ABCC1: variants seen among roughly 807,000 people sequenced by gnomAD.
ABCC1 encodes multidrug resistance-associated protein 1.
Under a neutral mutation model 172.9 loss-of-function variants are expected in ABCC1, and 83 were observed. The observed-to-expected ratio is 0.48, with a 90% CI of 0.40 to 0.58. ABCC1 has a LOEUF of 0.58. ABCC1 is among the 20% of genes least tolerant of loss of function. The pLI is 0.00. For missense variants in ABCC1, 1,817 were observed against 2,002.7 expected (o/e 0.91, Z 1.77); for synonymous variants, 937 against 825.2 (o/e 1.14, Z -2.32).
At chr16:15,974,944 G>T (rs1250288863) in intron 1 of ABCC1, among the ~76,000 whole-genome samples, 1 of 152,014 alleles carries the variant, frequency 6.6e-6, no homozygotes, top group Non-Finnish European at 1.5e-5. Context: ...TTGCCACCAT[G>T]CCCAGCTAAT....
At chr16:16,039,448 T>C (rs2048892074) in intron 7 of ABCC1, among the ~76,000 whole-genome samples, 1 of 151,722 alleles carries the variant, frequency 6.6e-6, no homozygotes, top group Non-Finnish European at 1.5e-5. Context: ...TTTGTATTTT[T>C]AGTAGAGACG....
In ABCC1 at chr16:16,016,556, A is replaced by G. The variant is rs1278805692; in HGVS notation, c.550A>G (p.Ile184Val). 3 of 1,613,958 alleles carry G rather than the reference A, an allele frequency of 1.9e-6. No homozygotes were observed. The highest frequency in any genetic ancestry group is 2.5e-6 in the Non-Finnish European group (3 of 1,179,994). ...TFYVYFSLLL[I>V]QLVLSCFSDR... ...CTACGTCTACTTTTCCCTCTTACTCATTCAGCTCGTCTTGTCCTGTTTCTC... is the reference window on the plus strand; with the variant it reads ...CTACGTCTACTTTTCCCTCTTACTCGTTCAGCTCGTCTTGTCCTGTTTCTC... Residue 184 changes from isoleucine (I) to valine (V), a missense_variant, in exon 5 of 31, where the codon ATT becomes GTT. Around this residue, in one of 3 missense-constraint regions of ABCC1, gnomAD observed 398 missense variants for 384.2 expected, o/e 1.04. Coordinates refer to ENST00000399410, the MANE Select transcript of ABCC1 (RefSeq NM_004996.4).
chr16:16,031,834 G>A (rs1007409113), intron 5 of ABCC1, among the ~76,000 whole-genome samples: 37 of 152,060 alleles, frequency 2.4e-4, no homozygotes, highest in East Asian at 1.4e-3. Context: ...TCAAGGCCCA[G>A]AAGTTGTAGT....
chr16:16,020,794 A>G (rs1159851083), intron 5 of ABCC1, among the ~76,000 whole-genome samples: 2 of 152,158 alleles, frequency 1.3e-5, no homozygotes, highest in Non-Finnish European at 2.9e-5. Context: ...GCACTATGCT[A>G]AGTTCTTTAT....
At chr16:16,140,694 G>A (rs2046093587) in intron 30 of ABCC1, among the ~76,000 whole-genome samples, 1 of 152,218 alleles carries the variant, frequency 6.6e-6, no homozygotes, top group Non-Finnish European at 1.5e-5. Context: ...TATGAATAAA[G>A]TTTTATTGGC....
intron 19 of ABCC1, among the ~76,000 whole-genome samples, chr16:16,100,762 A>G (rs1418971338): frequency 6.6e-6 from 1 of 152,332 alleles, no homozygotes; most frequent in South Asian, 2.1e-4. Flanking sequence ...CACTGCGTGC[A>G]GTCTCGTTTC....
intron 1 of ABCC1, among the ~76,000 whole-genome samples, chr16:15,969,991 T>TA: frequency 6.6e-6 from 1 of 152,082 alleles, no homozygotes; most frequent in African/African-American, 2.4e-5. Context: ...CAGGAAGTGC[T>TA]ATGAAGGGGA....
At chr16:16,113,271 G>A (rs1434758897) in intron 22 of ABCC1, among the ~76,000 whole-genome samples, 1 of 152,198 alleles carries the variant, frequency 6.6e-6, no homozygotes, top group African/African-American at 2.4e-5. Flanking sequence ...GGTATTACCT[G>A]AACTCACACA....
intron 12 of ABCC1, among the ~76,000 whole-genome samples, chr16:16,064,069 A>G (rs1166513792): frequency 6.6e-6 from 1 of 152,218 alleles, no homozygotes; most frequent in African/African-American, 2.4e-5. Context: ...TGCCATAAAC[A>G]GAGTAATAGA....
At chr16:16,095,895 C>G (rs1247751770) in intron 19 of ABCC1, among the ~76,000 whole-genome samples, 1 of 148,518 alleles carries the variant, frequency 6.7e-6, no homozygotes, top group African/African-American at 2.6e-5. Flanking sequence ...ATTTTTCCCT[C>G]TTAAGTATTT....
intron 1 of ABCC1, among the ~76,000 whole-genome samples, chr16:15,978,612 G>A (rs756259702): frequency 6.6e-6 from 1 of 152,112 alleles, no homozygotes; most frequent in Non-Finnish European, 1.5e-5. Flanking sequence ...AAATGTGGTT[G>A]TTTCTGGTTC....
Position 16,134,475 on chromosome 16 carries a change from C to T in ABCC1, c.4092C>T (p.His1364=), listed in dbSNP as rs762973966. ...DGINIAKIGL[H]DLRFKITIIP... is the part of the protein sequence containing the mutation. ...TCAACATCGCCAAGATCGGCCTGCA[C>T]GACCTCCGCTTCAAGATCACCATCA... Residue 1364 remains histidine, a synonymous_variant, in exon 28 of 31, where the codon CAC becomes CAT. Coordinates refer to ENST00000399410, the MANE Select transcript of ABCC1 (RefSeq NM_004996.4). 61 of 1,614,042 alleles carry T rather than the reference C, an allele frequency of 3.8e-5. No homozygotes were observed. Among genetic ancestry groups the T allele is most frequent in the Non-Finnish European group, 4.4e-5 (52 of 1,180,034 alleles).
chr16:16,136,791 T>A, intron 29 of ABCC1, 147 bp downstream of exon 29: 1 of 943,554 alleles, frequency 1.1e-6, no homozygotes, highest in Non-Finnish European at 1.5e-6. Flanking sequence ...AGCCTCAGTT[T>A]CTGTATCTGT....
chr16:16,048,018 G>A, intron 9 of ABCC1, 124 bp from the exon 10 acceptor site: 1 of 1,241,974 alleles, frequency 8.1e-7, no homozygotes, highest in Non-Finnish European at 1.1e-6. Context: ...GGTCGGGAGG[G>A]GAGGAGGAGA....
chr16:16,088,733 G>A (rs185583027), intron 18 of ABCC1, among the ~76,000 whole-genome samples: 2 of 151,266 alleles, frequency 1.3e-5, no homozygotes, highest in Admixed American at 1.3e-4. Flanking sequence ...TCTGCAGACA[G>A]GGTTTTCCTC....
chr16:16,039,634 A>G (rs935627262), intron 7 of ABCC1, among the ~76,000 whole-genome samples: 6 of 152,052 alleles, frequency 3.9e-5, no homozygotes, highest in Non-Finnish European at 7.4e-5. Context: ...CTTGGTGAGC[A>G]TGTGCCTGTC....
At position 16,076,414 on chromosome 16, in the gene ABCC1, G is replaced by A. The variant is rs758543496; in HGVS notation, c.1988+13G>A. On this transcript the variant is annotated intron_variant, in intron 15 of 30. Transcript: ENST00000399410. ...CCACACTGAATGGGTAAGCCGGGACGTGGACACACGTGATGGTGTGGAGAG... is the reference window on the plus strand; with the variant it reads ...CCACACTGAATGGGTAAGCCGGGACATGGACACACGTGATGGTGTGGAGAG... The A allele has an allele frequency of 6.3e-6, 10 of 1,596,900 alleles. No homozygotes were observed. In the East Asian group the frequency reaches 9.0e-5, roughly 14 times the overall value.
At chr16:16,140,415 C>T (rs1255827058) in intron 30 of ABCC1, among the ~76,000 whole-genome samples, 4 of 152,126 alleles carry the variant, frequency 2.6e-5, no homozygotes. Context: ...GTGGTGGGAT[C>T]ACAGCTCACT....
chr16:16,064,750 C>A lies in ABCC1; in HGVS notation c.1678-3406C>A, dbSNP rs146774532. 1.1e-4 allele frequency among the ~76,000 whole-genome samples: 16 copies of A among 152,350 alleles called. No homozygotes were observed. The East Asian group carries it at 3.1e-3, about 29-fold the overall frequency. ...ATCCATTATCTATCCAGCAGACATT[C>A]ACTGAGCACCATGATCTGGGCTCTG... On this transcript the variant is annotated intron_variant, in intron 12 of 30. Transcript: ENST00000399410.
Sources: gnomAD v4.1 joint callset for allele counts (sites outside exome capture counted in the v4.1 genomes callset) on GRCh38, gnomAD v4.1.1 for gene constraint, gnomAD v4.1.1 regional missense constraint, MANE v1.5 for transcripts, NCBI Gene and HGNC (gene_info 2026-07-23, HGNC 2026-07-21) for gene names.